DCC: variants seen among roughly 807,000 people sequenced by gnomAD.
The protein encoded by DCC is netrin receptor DCC.
DCC carries 58 observed loss-of-function variants against 172.5 expected under a neutral mutation model. The ratio of observed to expected loss-of-function variants is 0.34; its 90% CI spans 0.27 to 0.42. The LOEUF (loss-of-function observed/expected upper bound fraction) is 0.42, where lower values mean the gene tolerates loss of function less well. DCC is among the 10% of genes least tolerant of loss of function. The pLI is 1.00. For synonymous variants in DCC, 709 were observed against 644.5 expected (o/e 1.10, Z -1.52); for missense variants, 1,740 against 1,791.0 (o/e 0.97, Z 0.51).
intron 1 of DCC, among the ~76,000 whole-genome samples, chr18:52,609,918 G>A (rs958318017): frequency 2.0e-5 from 3 of 151,556 alleles, no homozygotes; most frequent in African/African-American, 4.8e-5. Context: ...CAGCCTTATT[G>A]TCTGGATTTT....
chr18:53,078,504 A>G (rs1017465039), intron 7 of DCC, among the ~76,000 whole-genome samples: 1 of 152,154 alleles, frequency 6.6e-6, no homozygotes, highest in African/African-American at 2.4e-5. Context: ...TTTGCCACAC[A>G]GAATGACAAA....
intron 1 of DCC, among the ~76,000 whole-genome samples, chr18:52,582,950 T>C (rs1319749550): frequency 6.6e-6 from 1 of 152,138 alleles, no homozygotes; most frequent in Admixed American, 6.5e-5. Flanking sequence ...CCAGGAAATA[T>C]AGTCAAGTCC....
rs540984426 is a variant in DCC at position 52,654,031 on chromosome 18, G to A, written c.92-98023G>A. Among the ~76,000 whole-genome samples the A allele has an allele frequency of 4.6e-5, 7 of 152,244 alleles. No homozygotes were observed. The East Asian group carries it at 1.2e-3, about 25-fold the overall frequency. On this transcript the variant is annotated intron_variant, in intron 1 of 28. Transcript: ENST00000442544. ...TATTTATACAGGACTCCTCCTGCTA[G>A]ATGAATTATTCCTTCATTTTATCAA...
At chr18:52,841,668 C>T (rs1210631351) in intron 2 of DCC, among the ~76,000 whole-genome samples, 1 of 152,108 alleles carries the variant, frequency 6.6e-6, no homozygotes, top group Admixed American at 6.6e-5. Context: ...ATAGTGGGTG[C>T]TATTGGTGAC....
intron 22 of DCC, among the ~76,000 whole-genome samples, chr18:53,443,963 A>G (rs898479476): frequency 1.3e-5 from 2 of 152,230 alleles, no homozygotes; most frequent in Non-Finnish European, 2.9e-5. Flanking sequence ...ATTTTAACAG[A>G]TGAGGAGTTG....
intron 12 of DCC, among the ~76,000 whole-genome samples, chr18:53,262,515 A>C (rs1300630330): frequency 2.0e-5 from 3 of 152,228 alleles, no homozygotes; most frequent in African/African-American, 2.4e-5. Flanking sequence ...CAGAAGAGAT[A>C]ATGTTTGCTA....
intron 2 of DCC, among the ~76,000 whole-genome samples, chr18:52,892,044 T>A (rs1364206050): frequency 1.3e-5 from 2 of 152,162 alleles, no homozygotes; most frequent in African/African-American, 2.4e-5. Flanking sequence ...GACATCTGAA[T>A]TATCCACCCT....
At chr18:53,184,283 G>T (rs534148018) in intron 9 of DCC, among the ~76,000 whole-genome samples, 1 of 152,128 alleles carries the variant, frequency 6.6e-6, no homozygotes, top group Admixed American at 6.6e-5. Context: ...TGAACAGAAA[G>T]TGCTACATTA....
At chr18:53,139,121 G>T (rs1343371104) in intron 7 of DCC, among the ~76,000 whole-genome samples, 3 of 152,128 alleles carry the variant, frequency 2.0e-5, no homozygotes, top group African/African-American at 4.8e-5. Flanking sequence ...TTCATAGGCT[G>T]CTTTGTACAA....
chr18:53,156,917 T>C (rs181306324), intron 7 of DCC, among the ~76,000 whole-genome samples: 8 of 152,328 alleles, frequency 5.3e-5, no homozygotes, highest in East Asian at 1.9e-4. Context: ...ATTTGTCTTT[T>C]ACCAAAGACA....
intron 1 of DCC, among the ~76,000 whole-genome samples, chr18:52,454,511 T>C (rs1988401125): frequency 6.6e-6 from 1 of 152,072 alleles, no homozygotes; most frequent in South Asian, 2.1e-4. Context: ...GTATGATCAC[T>C]ACCAGAAATA....
At chr18:52,691,595 T>G (rs932646802) in intron 1 of DCC, among the ~76,000 whole-genome samples, 4 of 152,262 alleles carry the variant, frequency 2.6e-5, no homozygotes, top group African/African-American at 7.2e-5. Context: ...CTTCCCTCTG[T>G]GTGTGTCCTC....
intron 7 of DCC, among the ~76,000 whole-genome samples, chr18:53,084,938 A>G (rs147095111): frequency 1.3e-5 from 2 of 152,322 alleles, no homozygotes; most frequent in African/African-American, 4.8e-5. Flanking sequence ...TTAAAATTAT[A>G]TCTAGGACTA....
At chr18:52,924,781 C>T (rs1055185420) in intron 4 of DCC, among the ~76,000 whole-genome samples, 4 of 152,058 alleles carry the variant, frequency 2.6e-5, no homozygotes, top group African/African-American at 9.6e-5. Context: ...ATCCAGTTAC[C>T]ATTTCAGCAC....
At chr18:53,128,276 C>G (rs181188219) in intron 7 of DCC, among the ~76,000 whole-genome samples, 75 of 152,190 alleles carry the variant, frequency 4.9e-4, no homozygotes, top group African/African-American at 1.7e-3. Flanking sequence ...GTTTATTTGT[C>G]TCTAAGTTTT....
At chr18:53,500,406 T>G (rs1412539437) in intron 27 of DCC, among the ~76,000 whole-genome samples, 1 of 152,076 alleles carries the variant, frequency 6.6e-6, no homozygotes, top group Non-Finnish European at 1.5e-5. Flanking sequence ...GATGGCCTCC[T>G]TGATGAGCAT....
At chr18:53,204,597 G>A (rs542949015) in intron 9 of DCC, among the ~76,000 whole-genome samples, 60 of 151,750 alleles carry the variant, frequency 4.0e-4, no homozygotes, top group African/African-American at 1.4e-3. Flanking sequence ...GATCTGTGCT[G>A]TCTAATTTCA....
chr18:52,656,001 C>G (rs1240354130), intron 1 of DCC, among the ~76,000 whole-genome samples: 1 of 124,114 alleles, frequency 8.1e-6, no homozygotes, highest in African/African-American at 3.2e-5. Flanking sequence ...TATATATGTG[C>G]GTATATATAT....
chr18:52,938,631 T>A lies in DCC; in HGVS notation c.985+13261T>A, dbSNP rs1403880361. On this transcript the variant is annotated intron_variant, in intron 5 of 28. Coordinates refer to ENST00000442544, the MANE Select transcript of DCC (RefSeq NM_005215.4). The stretch of plus-strand genomic sequence containing the variant: ...AATAAGCATTCACAATTAAGTTAGC[T>A]TTGGATAAGAAGGAATATTAATCAC... Among the ~76,000 whole-genome samples, 3 of 152,244 alleles carry A rather than the reference T, an allele frequency of 2.0e-5. No homozygotes were observed. In the East Asian group the frequency reaches 5.8e-4, roughly 29 times the overall value.
Sources: allele counts gnomAD v4.1 joint callset (sites outside exome capture counted in the v4.1 genomes callset), GRCh38; gene constraint gnomAD v4.1.1; transcripts MANE v1.5; gene names NCBI Gene and HGNC (gene_info 2026-07-23, HGNC 2026-07-21).